MYH15: variants seen among roughly 807,000 people sequenced by gnomAD.
MYH15 encodes the protein myosin-15.
MYH15 carries 227 observed loss-of-function variants against 240.5 expected under a neutral mutation model. That is an observed-to-expected ratio of 0.94 (90% confidence interval 0.85 to 1.05). MYH15 has a LOEUF of 1.05. Ranked by LOEUF, MYH15 falls within the 50% of genes least tolerant of loss-of-function variation. The probability of loss-of-function intolerance (pLI) is 0.00; values close to 1 mark genes in which losing one functional copy is unlikely to be tolerated. For synonymous variants in MYH15, 785 were observed against 796.7 expected (o/e 0.99, Z 0.25); for missense variants, 2,217 against 2,247.5 (o/e 0.99, Z 0.27).
Position 108,500,391 on chromosome 3 carries a change from G to A in MYH15, c.340-117C>T, listed in dbSNP as rs76287325. On this transcript the variant is annotated intron_variant, in intron 3 of 40. Coordinates refer to ENST00000693548, the MANE Select transcript of MYH15 (RefSeq NM_014981.3). ...TATTACTTATAAAGGAACTCAGAGG[G>A]GAGCTTTTGGAATCATGTAGAGAAG... 1,897 of 1,091,218 alleles carry A rather than the reference G, an allele frequency of 1.7e-3. 26 individuals are homozygous for A. In the African/African-American group the frequency reaches 0.026, roughly 15 times the overall value. The allele number at this position is 1,091,218 out of a possible 1,614,324, so 67.6% of individuals were successfully genotyped here.
intron 22 of MYH15, among the ~76,000 whole-genome samples, chr3:108,444,024 C>T (rs1367333129): frequency 2.1e-5 from 3 of 141,438 alleles, no homozygotes; most frequent in Non-Finnish European, 4.6e-5. Context: ...GGAGGGATAG[C>T]ATTAGGAGAT....
At chr3:108,459,230 TA>T (rs2083050559) in intron 18 of MYH15, 131 bp downstream of exon 18, 2 of 602,480 alleles carry the variant, frequency 3.3e-6, no homozygotes, top group South Asian at 2.6e-5. Flanking sequence ...ATTTTTAACA[TA>T]TTTTCATTTT....
In MYH15 at chr3:108,430,861, G is replaced by A. The variant is rs751069085; in HGVS notation, c.3283C>T (p.Gln1095Ter). The A allele has an allele frequency of 6.2e-7, 1 of 1,612,422 alleles. No individual in the cohort carries two copies. Among genetic ancestry groups the A allele is most frequent in the Non-Finnish European group, 8.5e-7 (1 of 1,179,730 alleles). ...AGCTCTTTAACCGTCTTCTGAAGCT[G>A]AGCTACCAGGCCTTTCTCATTCTCC... The part of the protein sequence containing the change: ...KVENEKGLVA[Q>*]LQKTVKELQT... The change falls in exon 26 of 41, where the codon CAG becomes TAG. Residue 1095 changes from glutamine to a stop codon, truncating the protein, a stop_gained. Coordinates refer to ENST00000693548, the MANE Select transcript of MYH15 (RefSeq NM_014981.3). LOFTEE classifies it high-confidence loss of function.
intron 1 of MYH15, among the ~76,000 whole-genome samples, chr3:108,524,564 T>C (rs183782986): frequency 1.3e-4 from 20 of 152,172 alleles, no homozygotes; most frequent in African/African-American, 4.8e-4. Flanking sequence ...GCCTATCTTT[T>C]CTTTTTATAA....
intron 25 of MYH15, among the ~76,000 whole-genome samples, chr3:108,435,477 T>TC (rs1424666553): frequency 1.3e-5 from 2 of 152,028 alleles, no homozygotes; most frequent in Non-Finnish European, 2.9e-5. Flanking sequence ...TTCTCCCTCC[T>TC]CCCAGCCCTT....
chr3:108,394,043 C>T lies in MYH15; in HGVS notation c.5247G>A (p.Lys1749=). The change falls in exon 36 of 41, where the codon AAG becomes AAA. Residue 1749 remains lysine, a synonymous_variant. Transcript: ENST00000693548. ...ECQNAEEKAK[K]AAIEAANLSE... ...TCAAGGGACCCACCTCAATGGCTGC[C>T]TTCTTGGCCTTCTCTTCTGCATTTT... is the stretch of plus-strand genomic sequence containing the variant. 6.2e-7 allele frequency: 1 copy of T among 1,613,952 alleles called. No individual in the cohort carries two copies. Among genetic ancestry groups the T allele is most frequent in the Non-Finnish European group, 8.5e-7 (1 of 1,179,978 alleles).
At chr3:108,428,268 A>G (rs751950607) in intron 27 of MYH15, among the ~76,000 whole-genome samples, 6 of 152,242 alleles carry the variant, frequency 3.9e-5, no homozygotes, top group African/African-American at 7.2e-5. Flanking sequence ...GAATTCTGTT[A>G]AAACCAGAGG....
chr3:108,495,199 C>A lies in MYH15; in HGVS notation c.711+581G>T, dbSNP rs192304166. Among the ~76,000 whole-genome samples the A allele has an allele frequency of 9.2e-5, 14 of 152,332 alleles. No homozygotes were observed. In the East Asian group the frequency reaches 1.7e-3, roughly 19 times the overall value. On this transcript the variant is annotated intron_variant, in intron 7 of 40. Coordinates refer to ENST00000693548, the MANE Select transcript of MYH15 (RefSeq NM_014981.3). ...GTGGCTCCCTGCCACTGATTCTTGGCATAATATGGATTTGTTAAACTAGGT... is the reference window on the plus strand; with the variant it reads ...GTGGCTCCCTGCCACTGATTCTTGGAATAATATGGATTTGTTAAACTAGGT...
At chr3:108,546,100 C>T in the MYH15 span, among the ~76,000 whole-genome samples, 4 of 152,064 alleles carry the variant, frequency 2.6e-5, no homozygotes, top group African/African-American at 4.8e-5. Flanking sequence ...TTTTTCACAT[C>T]GTTTTTACAC....
chr3:108,382,890 C>A (rs2082353541), intron 40 of MYH15, among the ~76,000 whole-genome samples: 1 of 152,148 alleles, frequency 6.6e-6, no homozygotes, highest in Non-Finnish European at 1.5e-5. Context: ...TCGCCTAAAG[C>A]CAGACCTCGT....
At chr3:108,434,551 T>C (rs2082814595) in intron 25 of MYH15, among the ~76,000 whole-genome samples, 1 of 103,290 alleles carries the variant, frequency 9.7e-6, no homozygotes, top group South Asian at 3.7e-4. Context: ...CTAATTATTA[T>C]ATTAATAACA....
At chr3:108,481,281 T>A (rs2083264681) in intron 11 of MYH15, among the ~76,000 whole-genome samples, 1 of 152,184 alleles carries the variant, frequency 6.6e-6, no homozygotes, top group Non-Finnish European at 1.5e-5. Context: ...GCATTCACAG[T>A]GATTGTCTCT....
At chr3:108,456,957 T>C in intron 18 of MYH15, 74 bp from the exon 19 acceptor site, 1 of 1,077,426 alleles carries the variant, frequency 9.3e-7, no homozygotes, top group Admixed American at 1.9e-5. Context: ...AACCAATTGC[T>C]GCATCTTGGG....
rs76899153 is a variant in MYH15, at chr3:108,453,819, T to C, written c.2399+187A>G. On this transcript the variant is annotated intron_variant, in intron 21 of 40. Transcript: ENST00000693548. Reference sequence around the variant, plus strand: ...GAAATATCTGAATTATGCTTATATTTGGTTGAATAGGGCAATAAAAGCCCT... The same window carrying C: ...GAAATATCTGAATTATGCTTATATTCGGTTGAATAGGGCAATAAAAGCCCT... Among the ~76,000 whole-genome samples the C allele has an allele frequency of 7.6e-3, 1,165 of 152,294 alleles. 17 individuals are homozygous for C. The highest frequency in any genetic ancestry group is 0.026 in the African/African-American group (1,099 of 41,548).
chr3:108,441,368 A>C, intron 22 of MYH15, 108 bp from the exon 23 acceptor site: 1 of 1,279,400 alleles, frequency 7.8e-7, no homozygotes, highest in Middle Eastern at 2.4e-4. Flanking sequence ...CCCTCTGCCC[A>C]GCACTTTCAC....
chr3:108,537,426 T>C, the MYH15 span, among the ~76,000 whole-genome samples: 2 of 152,136 alleles, frequency 1.3e-5, no homozygotes, highest in Admixed American at 6.5e-5. Flanking sequence ...GTATTAATAA[T>C]AGTATTAAGA....
intron 9 of MYH15, 152 bp downstream of exon 9, chr3:108,492,348 C>T (rs9827747): frequency 0.23 from 112,885 of 493,148 alleles, 15,986 homozygotes; most frequent in Non-Finnish European, 0.3. Flanking sequence ...AACACTAGTT[C>T]TATAATTGAT....
At chr3:108,428,375 A>G (rs1281684127) in intron 27 of MYH15, 117 bp downstream of exon 27, 1 of 1,252,564 alleles carries the variant, frequency 8.0e-7, no homozygotes. Flanking sequence ...TATAGTCTTC[A>G]TTAGAAAATA....
At chr3:108,471,432 T>C (rs1311701076) in intron 12 of MYH15, among the ~76,000 whole-genome samples, 1 of 152,146 alleles carries the variant, frequency 6.6e-6, no homozygotes, top group African/African-American at 2.4e-5. Flanking sequence ...ACTCTCTCCT[T>C]GACCAAACTT....
Sources: allele counts gnomAD v4.1 joint callset (sites outside exome capture counted in the v4.1 genomes callset), GRCh38; gene constraint gnomAD v4.1.1; transcripts MANE v1.5; gene names NCBI Gene and HGNC (gene_info 2026-07-23, HGNC 2026-07-21).